DPYSL5: variants seen among roughly 807,000 people sequenced by gnomAD.
DPYSL5 encodes the protein dihydropyrimidinase-related protein 5.
Under a neutral mutation model 58.4 loss-of-function variants are expected in DPYSL5, and 9 were observed. The observed-to-expected ratio is 0.15, with a 90% CI of 0.09 to 0.27. The LOEUF (loss-of-function observed/expected upper bound fraction) is 0.27, where lower values mean the gene tolerates loss of function less well. DPYSL5 is among the 10% of genes least tolerant of loss of function. The pLI is 1.00. For synonymous variants in DPYSL5, 293 were observed against 301.9 expected (o/e 0.97, Z 0.31); for missense variants, 499 against 770.6 (o/e 0.65, Z 4.17).
chr2:26,895,819 C>T (rs1365567462), intron 1 of DPYSL5, among the ~76,000 whole-genome samples: 6 of 123,470 alleles, frequency 4.9e-5, no homozygotes, highest in Non-Finnish European at 9.4e-5. Flanking sequence ...CTCGCTGTGT[C>T]GCCCAGGCTG....
intron 1 of DPYSL5, among the ~76,000 whole-genome samples, chr2:26,874,022 AT>A (rs562266130): frequency 9.0e-4 from 137 of 152,096 alleles, no homozygotes; most frequent in South Asian, 3.1e-3. Context: ...TATGTTGAGC[AT>A]TTTTTTTATG....
chr2:26,945,891 C>T (rs987777098), intron 12 of DPYSL5, among the ~76,000 whole-genome samples: 1 of 152,254 alleles, frequency 6.6e-6, no homozygotes, highest in Non-Finnish European at 1.5e-5. Flanking sequence ...CCTGCCCAGG[C>T]TCCTGTGTGC....
chr2:26,889,693 GAA>G (rs112768243), intron 1 of DPYSL5, among the ~76,000 whole-genome samples: 399 of 139,368 alleles, frequency 2.9e-3, no homozygotes, highest in African/African-American at 1.0e-2. Context: ...ATAGCGTAGG[GAA>G]AAAAAAAAAA....
chr2:26,888,255 T>TTCTTTCTTTCTTTCTTTCTTTCTGTCTG, intron 1 of DPYSL5, among the ~76,000 whole-genome samples: 1 of 108,188 alleles, frequency 9.2e-6, no homozygotes, highest in Non-Finnish European at 1.8e-5. Context: ...CTTTCTTTCT[T>TTCTTTCTTTCTTTCTTTCTTTCTGTCTG]TCTTTCTTTC....
chr2:26,940,943 T>TTA (rs1553322264), intron 9 of DPYSL5, among the ~76,000 whole-genome samples: 50 of 139,828 alleles, frequency 3.6e-4, no homozygotes, highest in African/African-American at 1.4e-3. Context: ...TATTATTTAT[T>TTA]TTTTTTTGTG....
chr2:26,913,881 A>T (rs1664498186), intron 2 of DPYSL5, among the ~76,000 whole-genome samples: 1 of 151,222 alleles, frequency 6.6e-6, no homozygotes, highest in South Asian at 2.1e-4. Context: ...TTCGTGTCTC[A>T]CCATAAAAAC....
intron 1 of DPYSL5, among the ~76,000 whole-genome samples, chr2:26,854,654 T>C (rs1216278626): frequency 1.3e-5 from 2 of 152,198 alleles, no homozygotes. Flanking sequence ...TTGGACCTCT[T>C]TTCTCGTCCA....
At chr2:26,860,604 T>G (rs1665986776) in intron 1 of DPYSL5, among the ~76,000 whole-genome samples, 2 of 152,220 alleles carry the variant, frequency 1.3e-5, no homozygotes, top group South Asian at 4.1e-4. Flanking sequence ...TGCAGCACTA[T>G]TTGTACTAGG....
rs1423673058 is a variant in DPYSL5, at chr2:26,898,913, G to A, written c.261+153G>A. 6.6e-5 allele frequency among the ~76,000 whole-genome samples: 10 copies of A among 152,152 alleles called. No homozygotes were observed. In the East Asian group the frequency reaches 1.9e-3, roughly 29 times the overall value. On this transcript the variant is annotated intron_variant, in intron 2 of 12. Coordinates refer to ENST00000288699, the MANE Select transcript of DPYSL5 (RefSeq NM_020134.4). The surrounding 1 kb of genome is among the most constrained non-coding windows in gnomAD (Gnocchi z 6.1). ...AGGGCCACTGTGGCAACTACAATAG[G>A]GATTTCCGGCTTAACGTCACAGATT...
intron 2 of DPYSL5, among the ~76,000 whole-genome samples, chr2:26,921,322 A>G (rs1000273602): frequency 5.3e-5 from 8 of 152,240 alleles, no homozygotes; most frequent in Non-Finnish European, 1.0e-4. Context: ...CAACATGGTG[A>G]AACCCCGTCT....
At chr2:26,913,807 T>C (rs1452939306) in intron 2 of DPYSL5, among the ~76,000 whole-genome samples, 1 of 152,178 alleles carries the variant, frequency 6.6e-6, no homozygotes, top group East Asian at 1.9e-4. Flanking sequence ...TGATCTGCCA[T>C]GTCTGGGAAT....
intron 8 of DPYSL5, 126 bp from the exon 9 acceptor site, chr2:26,939,905 G>T (rs77557775): frequency 2.3e-6 from 3 of 1,289,500 alleles, no homozygotes; most frequent in Non-Finnish European, 3.3e-6. Flanking sequence ...TGGCCTAAGC[G>T]GCAGAGCTGA....
intron 1 of DPYSL5, among the ~76,000 whole-genome samples, chr2:26,888,259 T>TTCTG (rs1271022263): frequency 7.3e-6 from 1 of 136,552 alleles, no homozygotes; most frequent in Non-Finnish European, 1.6e-5. Context: ...CTTTCTTTCT[T>TTCTG]TCTTTCTGTC....
rs2148167602 is a variant in DPYSL5 at position 26,933,117 on chromosome 2, T to C, written c.715-141T>C. 3 of 747,422 alleles carry C rather than the reference T, an allele frequency of 4.0e-6. No individual in the cohort carries two copies. The South Asian group carries it at 4.6e-5, about 11-fold the overall frequency. The allele number at this position is 747,422 out of a possible 1,614,324, so 46.3% of individuals were successfully genotyped here. A position where few individuals can be genotyped will look rare whatever the true frequency, so the allele number is the denominator to read the frequency against. ...TGACTGCCAGCCCTGCATTCTCCGC[T>C]TAAGGACTGTCACCTTGAGGGTGGG... is the stretch of plus-strand genomic sequence containing the variant. On this transcript the variant is annotated intron_variant, in intron 6 of 12. Coordinates refer to ENST00000288699, the MANE Select transcript of DPYSL5 (RefSeq NM_020134.4). This position sits in a 1 kb window ranked among gnomAD's most constrained non-coding sequence, Gnocchi z 4.2.
chr2:26,867,733 G>A (rs992346237), intron 1 of DPYSL5, among the ~76,000 whole-genome samples: 3 of 152,156 alleles, frequency 2.0e-5, no homozygotes, highest in Admixed American at 2.0e-4. Flanking sequence ...GGGATTACAG[G>A]CGTGAGCCAC....
At chr2:26,899,722 G>T (rs1370182678) in intron 2 of DPYSL5, among the ~76,000 whole-genome samples, 1 of 152,212 alleles carries the variant, frequency 6.6e-6, no homozygotes, top group Non-Finnish European at 1.5e-5. Flanking sequence ...ACCCTTGGAA[G>T]GCTGGGCTAT....
chr2:26,902,858 C>T (rs965228020), intron 2 of DPYSL5, among the ~76,000 whole-genome samples: 1 of 152,128 alleles, frequency 6.6e-6, no homozygotes, highest in Non-Finnish European at 1.5e-5. Context: ...CCTTGTCATC[C>T]TCACTGCTAC....
Position 26,925,721 on chromosome 2 carries a change from C to A in DPYSL5, c.420+676C>A. Among the ~76,000 whole-genome samples the A allele has an allele frequency of 6.6e-6, 1 of 152,178 alleles. No individual in the cohort carries two copies. Among genetic ancestry groups the A allele is most frequent in the Non-Finnish European group, 1.5e-5 (1 of 68,032 alleles). On this transcript the variant is annotated intron_variant, in intron 3 of 12. Transcript: ENST00000288699. This position sits in a 1 kb window ranked among gnomAD's most constrained non-coding sequence, Gnocchi z 4.5. Reference sequence around the variant, plus strand: ...GAGTCCAGACTCCTCTCCCCGGATTCCCACTTCCTTGCTCTTCCTAATCTA... The same window carrying A: ...GAGTCCAGACTCCTCTCCCCGGATTACCACTTCCTTGCTCTTCCTAATCTA...
In DPYSL5 at chr2:26,947,229, G is replaced by A. The variant is rs571936787; in HGVS notation, c.*234G>A. The stretch of plus-strand genomic sequence containing the variant: ...CTGTAGTCCTTTCTGCCTTGGCCTC[G>A]GCGGGCTTTTCTGGGGCCCAGGAAG... On this transcript the variant is annotated 3_prime_UTR_variant, in exon 13 of 13. Transcript: ENST00000288699. The surrounding 1 kb of genome is among the most constrained non-coding windows in gnomAD (Gnocchi z 4.2). 1.7e-4 allele frequency: 83 copies of A among 489,030 alleles called. No individual in the cohort carries two copies. The highest frequency in any genetic ancestry group is 1.3e-3 in the African/African-American group (68 of 51,798). The allele number at this position is 489,030 out of a possible 1,614,324, so 30.3% of individuals were successfully genotyped here. A position where few individuals can be genotyped will look rare whatever the true frequency, so the allele number is the denominator to read the frequency against.
Sources: gnomAD v4.1 joint callset for allele counts (sites outside exome capture counted in the v4.1 genomes callset) on GRCh38, gnomAD v4.1.1 for gene constraint, Gnocchi (gnomAD v3.1) non-coding constraint, MANE v1.5 for transcripts, NCBI Gene and HGNC (gene_info 2026-07-23, HGNC 2026-07-21) for gene names.